The following SLC14A2 variants were observed in gnomAD, a reference collection of about 807,000 sequenced individuals.
The protein encoded by SLC14A2 is urea transporter 2.
A neutral mutation model predicts 104.6 loss-of-function variants in SLC14A2; 91 were observed. The observed-to-expected ratio is 0.87, with a 90% CI of 0.73 to 1.04. SLC14A2 has a LOEUF of 1.04. Ranked by LOEUF, SLC14A2 falls within the 50% of genes least tolerant of loss-of-function variation. The pLI is 0.00. For missense variants in SLC14A2, 1,189 were observed against 1,156.0 expected (o/e 1.03, Z -0.41); for synonymous variants, 476 against 466.4 (o/e 1.02, Z -0.27).
chr18:45,668,460 C>T lies in SLC14A2; in HGVS notation c.2019C>T (p.Ile673=), dbSNP rs1259421778. The change falls in exon 15 of 20, where the codon ATC becomes ATT. Residue 673 remains isoleucine (I), a synonymous_variant. Transcript: ENST00000255226. The stretch of plus-strand genomic sequence containing the variant: ...ACTGGTGGCTGTTGCTACCCGTCAT[C>T]ATCATGTCCATGTCTTGGTAAGTTT... The part of the protein sequence containing the change: ...DYYWWLLLPV[I]IMSMSCPILS... The T allele has an allele frequency of 6.2e-7, 1 of 1,614,084 alleles. No individual in the cohort carries two copies. The highest frequency in any genetic ancestry group is 2.2e-5 in the East Asian group (1 of 44,904).
rs571952315 is a variant in SLC14A2 at position 45,652,570 on chromosome 18, G to T, written c.1351+8410G>T. On this transcript the variant is annotated intron_variant, in intron 10 of 19. Transcript: ENST00000255226. ...GGAGGATCTGACCTTCCCAAGTTTA[G>T]CTCCTGGTGGTCAATGCAGGCCTCC... 2.0e-5 allele frequency among the ~76,000 whole-genome samples: 3 copies of T among 152,312 alleles called. No individual in the cohort carries two copies. The East Asian group carries it at 5.8e-4, about 29-fold the overall frequency.
At chr18:45,631,738 T>C (rs143471363) in intron 4 of SLC14A2, among the ~76,000 whole-genome samples, 68 of 152,294 alleles carry the variant, frequency 4.5e-4, no homozygotes, top group African/African-American at 1.6e-3. Flanking sequence ...CCTCCCACCT[T>C]AGCCTTCCAA....
intron 2 of SLC14A2, among the ~76,000 whole-genome samples, chr18:45,592,417 C>T (rs780220917): frequency 6.6e-6 from 1 of 152,144 alleles, no homozygotes; most frequent in Non-Finnish European, 1.5e-5. Context: ...TGCATTTCCA[C>T]CTGGAGGTTG....
chr18:45,282,164 C>T (rs1010832249), intron 1 of SLC14A2, among the ~76,000 whole-genome samples: 1 of 152,074 alleles, frequency 6.6e-6, no homozygotes, highest in Non-Finnish European at 1.5e-5. Flanking sequence ...GGTCTGAGTC[C>T]AGAGAAGGGT....
At chr18:45,424,185 C>T (rs1439029099) in intron 1 of SLC14A2, 1 of 152,226 alleles carries the variant, frequency 6.6e-6, no homozygotes, top group Admixed American at 6.5e-5. Context: ...GGGAAGTACA[C>T]TGTTTAAAAG....
At chr18:45,664,393 G>A (rs1001483) in intron 11 of SLC14A2, among the ~76,000 whole-genome samples, 114,195 of 152,140 alleles carry the variant, frequency 0.75, 43,840 homozygotes, top group Non-Finnish European at 0.83. Context: ...GGTATCCAAG[G>A]GCCGCTAAAG....
At chr18:45,260,666 G>A (rs12607537) in intron 1 of SLC14A2, among the ~76,000 whole-genome samples, 2,894 of 152,222 alleles carry the variant, frequency 0.019, 153 homozygotes, top group East Asian at 0.18. Context: ...GCAGCAACAT[G>A]GATGCAGCTG....
chr18:45,215,215 A>C (rs1228481135), intron 1 of SLC14A2, among the ~76,000 whole-genome samples: 1 of 152,248 alleles, frequency 6.6e-6, no homozygotes, highest in Non-Finnish European at 1.5e-5. Context: ...CATGAGTTTA[A>C]GATTAAGAAT....
intron 1 of SLC14A2, among the ~76,000 whole-genome samples, chr18:45,324,207 T>C (rs1039936759): frequency 1.3e-5 from 2 of 152,120 alleles, no homozygotes; most frequent in African/African-American, 4.8e-5. Flanking sequence ...TTAAGGATCC[T>C]CAGTAGTGAA....
chr18:45,238,447 C>A (rs1257925807), intron 1 of SLC14A2, among the ~76,000 whole-genome samples: 2 of 152,178 alleles, frequency 1.3e-5, no homozygotes, highest in African/African-American at 2.4e-5. Flanking sequence ...TGAGGGATTG[C>A]TACTCCCACA....
intron 1 of SLC14A2, among the ~76,000 whole-genome samples, chr18:45,252,342 T>C (rs1037586333): frequency 2.0e-5 from 3 of 152,256 alleles, no homozygotes; most frequent in African/African-American, 7.2e-5. Context: ...ATTATCTGTA[T>C]CTGTGTTTCC....
the SLC14A2 span, among the ~76,000 whole-genome samples, chr18:45,196,228 G>A: frequency 6.6e-6 from 1 of 152,204 alleles, no homozygotes; most frequent in African/African-American, 2.4e-5. Flanking sequence ...AGTTCAAAGA[G>A]GTAAGGGGGC....
intron 10 of SLC14A2, among the ~76,000 whole-genome samples, chr18:45,649,731 T>A (rs58318147): frequency 1.3e-5 from 2 of 152,136 alleles, no homozygotes; most frequent in Admixed American, 6.5e-5. Context: ...GAGGGGCTCC[T>A]GCCCTGCAGT....
chr18:45,263,642 G>C (rs1431986910), intron 1 of SLC14A2, among the ~76,000 whole-genome samples: 1 of 152,156 alleles, frequency 6.6e-6, no homozygotes, highest in South Asian at 2.1e-4. Flanking sequence ...GGAAGGAAGA[G>C]CTGTTGTTTC....
intron 1 of SLC14A2, among the ~76,000 whole-genome samples, chr18:45,301,670 T>C (rs924877817): frequency 6.6e-6 from 1 of 152,236 alleles, no homozygotes; most frequent in Admixed American, 6.5e-5. Context: ...CTTGTGTGTA[T>C]GGTGAAGCTA....
At chr18:45,195,934 G>A in the SLC14A2 span, among the ~76,000 whole-genome samples, 1 of 152,142 alleles carries the variant, frequency 6.6e-6, no homozygotes, top group East Asian at 1.9e-4. Context: ...CGTGAATCGG[G>A]CAGCCTCCCA....
chr18:45,359,350 C>T (rs187949440), intron 1 of SLC14A2, among the ~76,000 whole-genome samples: 1 of 152,260 alleles, frequency 6.6e-6, no homozygotes, highest in East Asian at 1.9e-4. Flanking sequence ...GAGTGGCTCC[C>T]CAGGGCAATG....
the SLC14A2 span, among the ~76,000 whole-genome samples, chr18:45,207,409 GAGAA>G: frequency 6.6e-6 from 1 of 150,530 alleles, no homozygotes. Context: ...GGAAAAGAGA[GAGAA>G]AGAGAGAAAG....
At chr18:45,178,938 T>G in the SLC14A2 span, among the ~76,000 whole-genome samples, 9 of 152,208 alleles carry the variant, frequency 5.9e-5, no homozygotes, top group Admixed American at 1.3e-4. Flanking sequence ...CTCAGTAAAG[T>G]TGATCATTAG....
Sources: allele counts gnomAD v4.1 joint callset (sites outside exome capture counted in the v4.1 genomes callset), GRCh38; gene constraint gnomAD v4.1.1; transcripts MANE v1.5; gene names NCBI Gene and HGNC (gene_info 2026-07-23, HGNC 2026-07-21).